Variants in SCN11A observed in about 807,000 individuals in gnomAD.
SCN11A encodes sodium channel protein type 11 subunit alpha.
A neutral mutation model predicts 162.2 loss-of-function variants in SCN11A; 122 were observed. The observed-to-expected ratio is 0.75, with a 90% CI of 0.65 to 0.87. The LOEUF (loss-of-function observed/expected upper bound fraction) is 0.87. Among genes scored for constraint, SCN11A ranks in the 40% least tolerant of loss-of-function variants. The pLI is 0.00. For synonymous variants in SCN11A, 758 were observed against 751.5 expected (o/e 1.01, Z -0.14); for missense variants, 2,015 against 2,181.6 (o/e 0.92, Z 1.52).
Position 38,847,157 on chromosome 3 carries a change from G to A in SCN11A, c.4913C>T (p.Thr1638Ile), listed in dbSNP as rs768959468. ...EVWEKFDPEA[T>I]QFIKYSALSD... The stretch of plus-strand genomic sequence containing the variant: ...AAGGGCAGAATATTTGATAAATTGT[G>A]TTGCTTCTGGGTCAAACTTTTCCCA... Residue 1638 changes from threonine to isoleucine, a missense_variant, in exon 30 of 30, where the codon ACA becomes ATA. Thr to Ile is a moderately conservative substitution (Grantham distance 89). Coordinates refer to ENST00000302328, the MANE Select transcript of SCN11A (RefSeq NM_001349253.2). The A allele has an allele frequency of 9.3e-6, 15 of 1,614,188 alleles. No homozygotes were observed. The highest frequency in any genetic ancestry group is 1.3e-5 in the Non-Finnish European group (15 of 1,180,022).
At chr3:38,986,978 C>T (rs1275811934) in intron 2 of SCN11A, among the ~76,000 whole-genome samples, 1 of 152,096 alleles carries the variant, frequency 6.6e-6, no homozygotes. Flanking sequence ...CGTTTCTTTC[C>T]GCACCTGGAC....
rs754798838 is a variant in SCN11A, at chr3:38,925,510, C to T, written c.618-1G>A. 6.2e-7 allele frequency: 1 copy of T among 1,606,664 alleles called. No homozygotes were observed. The highest frequency in any genetic ancestry group is 8.5e-7 in the Non-Finnish European group (1 of 1,173,292). ...GATTCCTGGAATATATGACACAATC[C>T]TACAAGACAAAGCACAGGGAAGGCA... On this transcript the variant is annotated splice_acceptor_variant, in intron 8 of 29. Coordinates refer to ENST00000302328, the MANE Select transcript of SCN11A (RefSeq NM_001349253.2). LOFTEE classifies it high-confidence loss of function.
At chr3:39,047,598 G>A (rs553405161) in intron 1 of SCN11A, among the ~76,000 whole-genome samples, 1 of 151,998 alleles carries the variant, frequency 6.6e-6, no homozygotes, top group Non-Finnish European at 1.5e-5. Context: ...ACAGCCTACA[G>A]AATGAGAGAA....
chr3:39,017,048 C>T lies in SCN11A; in HGVS notation c.-280+15332G>A, dbSNP rs550821087. Among the ~76,000 whole-genome samples the T allele has an allele frequency of 4.9e-4, 74 of 152,206 alleles. 2 individuals carry two copies. The South Asian group carries it at 0.015, about 30-fold the overall frequency. The stretch of plus-strand genomic sequence containing the variant: ...TTCATATGTTGAAATCCTAACACCC[C>T]GTGTTGTTGATATTGGGAAGTGGAG... On this transcript the variant is annotated intron_variant, in intron 2 of 29. Transcript: ENST00000302328.
intron 28 of SCN11A, among the ~76,000 whole-genome samples, chr3:38,851,547 T>C (rs1364239024): frequency 1.3e-5 from 2 of 152,244 alleles, no homozygotes; most frequent in East Asian, 1.9e-4. Flanking sequence ...TTTTCTTTAA[T>C]ACAACTGCTG....
intron 2 of SCN11A, among the ~76,000 whole-genome samples, chr3:38,997,072 G>C (rs1475931902): frequency 6.6e-6 from 1 of 151,746 alleles, no homozygotes; most frequent in Non-Finnish European, 1.5e-5. Flanking sequence ...TATTCTCAAC[G>C]TAGCAGTCCA....
At chr3:39,004,407 T>C (rs1313728867) in intron 2 of SCN11A, among the ~76,000 whole-genome samples, 2 of 152,226 alleles carry the variant, frequency 1.3e-5, no homozygotes, top group Non-Finnish European at 2.9e-5. Context: ...GGTACCATGC[T>C]ATTTTGGTTA....
intron 2 of SCN11A, among the ~76,000 whole-genome samples, chr3:39,009,455 C>T (rs555316415): frequency 2.2e-4 from 33 of 150,048 alleles, no homozygotes; most frequent in Non-Finnish European, 4.7e-4. Flanking sequence ...TAGGATTCTC[C>T]GTCATATTAA....
intron 2 of SCN11A, among the ~76,000 whole-genome samples, chr3:39,005,270 G>A (rs537277235): frequency 6.6e-6 from 1 of 152,282 alleles, no homozygotes; most frequent in Non-Finnish European, 1.5e-5. Flanking sequence ...CTTCCTTGTT[G>A]TTTCTTCTAA....
intron 7 of SCN11A, among the ~76,000 whole-genome samples, chr3:38,944,980 TA>T (rs1559548762): frequency 6.6e-6 from 1 of 150,896 alleles, no homozygotes; most frequent in Admixed American, 6.6e-5. Flanking sequence ...TAAAAAAAAA[TA>T]AAAAAAGAAT....
chr3:39,048,474 T>C (rs79103593), intron 1 of SCN11A, among the ~76,000 whole-genome samples: 2,185 of 152,296 alleles, frequency 0.014, 20 homozygotes, highest in Non-Finnish European at 0.018. Flanking sequence ...ATGACTATGA[T>C]TAACAATAAT....
chr3:39,036,506 A>G (rs2031908640), intron 1 of SCN11A, among the ~76,000 whole-genome samples: 1 of 152,222 alleles, frequency 6.6e-6, no homozygotes, highest in Admixed American at 6.5e-5. Flanking sequence ...GATAAGTGGG[A>G]TCACGTCAAG....
chr3:38,954,630 A>C (rs1281278146), intron 3 of SCN11A, among the ~76,000 whole-genome samples: 2 of 151,506 alleles, frequency 1.3e-5, no homozygotes, highest in African/African-American at 4.9e-5. Flanking sequence ...TAGATGATAA[A>C]AAAACAAACA....
chr3:38,918,743 G>A (rs950617885), intron 11 of SCN11A, among the ~76,000 whole-genome samples: 3 of 152,156 alleles, frequency 2.0e-5, no homozygotes, highest in South Asian at 2.1e-4. Flanking sequence ...AAAGCCTATC[G>A]TGTCTTGCAA....
At chr3:39,039,574 G>C (rs1295093497) in intron 1 of SCN11A, among the ~76,000 whole-genome samples, 1 of 152,152 alleles carries the variant, frequency 6.6e-6, no homozygotes, top group East Asian at 1.9e-4. Flanking sequence ...CCTAGCAGTA[G>C]AGCCATGACT....
Position 38,925,426 on chromosome 3 carries a change from G to A in SCN11A, c.701C>T (p.Ser234Leu). 2.5e-6 allele frequency: 4 copies of A among 1,609,102 alleles called. No individual in the cohort carries two copies. The South Asian group carries it at 3.3e-5, about 13-fold the overall frequency. ...TGAGAGTGACTTACGTGAAACTACT[G>A]AAATTGCTTTCAAAGCTCTGAACAC... ...FRVFRALKAI[S>L]VVSRLKVIVG... Residue 234 changes from serine (S) to leucine (L), a missense_variant, in exon 9 of 30, where the codon TCA becomes TTA. Ser to Leu is a moderately radical substitution (Grantham distance 145). Transcript: ENST00000302328.
At chr3:38,855,352 CA>C (rs2126083481) in intron 28 of SCN11A, among the ~76,000 whole-genome samples, 2 of 152,344 alleles carry the variant, frequency 1.3e-5, no homozygotes, top group South Asian at 4.1e-4. Flanking sequence ...TCATCCCCCA[CA>C]GTGGTTATGG....
At chr3:38,963,881 T>TA (rs1553646302) in intron 2 of SCN11A, among the ~76,000 whole-genome samples, 1 of 152,188 alleles carries the variant, frequency 6.6e-6, no homozygotes, top group Non-Finnish European at 1.5e-5. Context: ...AGAAAAATTT[T>TA]AAAAAATTAA....
At chr3:38,995,799 G>GTCTATCTATTTATCTGTCTA (rs1553648567) in intron 2 of SCN11A, among the ~76,000 whole-genome samples, 3 of 131,380 alleles carry the variant, frequency 2.3e-5, no homozygotes, top group African/African-American at 9.1e-5. Flanking sequence ...ACAATAAATT[G>GTCTATCTATTTATCTGTCTA]TCTATCTATC....
Sources: gnomAD v4.1 joint callset for allele counts (sites outside exome capture counted in the v4.1 genomes callset) on GRCh38, gnomAD v4.1.1 for gene constraint, MANE v1.5 for transcripts, NCBI Gene and HGNC (gene_info 2026-07-23, HGNC 2026-07-21) for gene names.